Variants in KCNH5 observed in about 807,000 individuals in gnomAD.
KCNH5 encodes the protein potassium voltage-gated channel subfamily H member 5, also known as voltage-gated delayed rectifier potassium channel KCNH5.
Under a neutral mutation model 96.1 loss-of-function variants are expected in KCNH5, and 46 were observed. The ratio of observed to expected loss-of-function variants is 0.48; its 90% CI spans 0.38 to 0.61. KCNH5 has a LOEUF of 0.61. Among genes scored for constraint, KCNH5 ranks in the 20% least tolerant of loss-of-function variants. The pLI, the probability that KCNH5 is intolerant of heterozygous loss-of-function variation, is 0.00. For missense variants in KCNH5, 907 were observed against 1,225.8 expected (o/e 0.74, Z 3.88); for synonymous variants, 439 against 449.8 (o/e 0.98, Z 0.30).
chr14:62,986,863 C>T (rs1890718227), intron 5 of KCNH5, among the ~76,000 whole-genome samples: 1 of 152,132 alleles, frequency 6.6e-6, no homozygotes, highest in African/African-American at 2.4e-5. Context: ...ACAGACATGA[C>T]CTGGGATGTC....
chr14:63,009,964 AAT>A (rs1172341301), intron 2 of KCNH5, among the ~76,000 whole-genome samples: 1 of 152,186 alleles, frequency 6.6e-6, no homozygotes, highest in Non-Finnish European at 1.5e-5. Flanking sequence ...TCTTCTACCA[AAT>A]ATCCTCAAGG....
intron 1 of KCNH5, among the ~76,000 whole-genome samples, chr14:63,042,016 G>A (rs1014668160): frequency 6.6e-6 from 1 of 152,012 alleles, no homozygotes; most frequent in South Asian, 2.1e-4. Flanking sequence ...AAATGTTCTG[G>A]TAAATTTGTA....
At chr14:62,967,888 G>A (rs1320671072) in intron 6 of KCNH5, among the ~76,000 whole-genome samples, 1 of 152,012 alleles carries the variant, frequency 6.6e-6, no homozygotes, top group Admixed American at 6.6e-5. Context: ...CTTAACAATA[G>A]GAACAATTTA....
In KCNH5 at chr14:62,731,550, C is replaced by T. The variant is rs1885051311; in HGVS notation, c.2020-23095G>A. Among the ~76,000 whole-genome samples the T allele has an allele frequency of 2.0e-5, 3 of 151,996 alleles. No homozygotes were observed. In the South Asian group the frequency reaches 6.2e-4, roughly 31 times the overall value. ...TACAATTTTCTACTAAAATTTGAAC[C>T]TCACCTGAATTCATCTGCCTTTTGC... On this transcript the variant is annotated intron_variant, in intron 10 of 10. Transcript: ENST00000322893.
chr14:62,992,100 T>C (rs896945756), intron 4 of KCNH5, among the ~76,000 whole-genome samples: 1 of 152,042 alleles, frequency 6.6e-6, no homozygotes, highest in Non-Finnish European at 1.5e-5. Flanking sequence ...TGTGTCTGGG[T>C]TGGTTCACTT....
At position 62,943,577 on chromosome 14, in the gene KCNH5, T is replaced by TAC. The variant is rs1455310224; in HGVS notation, c.1369+6554_1369+6555dup. 2.0e-5 allele frequency among the ~76,000 whole-genome samples: 3 copies of TAC among 152,258 alleles called. No homozygotes were observed. In the East Asian group the frequency reaches 5.8e-4, roughly 29 times the overall value. On this transcript the variant is annotated intron_variant, in intron 7 of 10. Coordinates refer to ENST00000322893, the MANE Select transcript of KCNH5 (RefSeq NM_139318.5). ...ACTTACATCTTGATCTAAATACACA[T>TAC]ACACACACACATACGTATGTACATA... is the stretch of plus-strand genomic sequence containing the variant.
At chr14:62,783,071 C>T (rs188650523) in intron 9 of KCNH5, among the ~76,000 whole-genome samples, 2 of 152,138 alleles carry the variant, frequency 1.3e-5, no homozygotes, top group East Asian at 3.9e-4. Context: ...TATGCAGCCA[C>T]AAGGTATCAT....
At chr14:62,885,506 C>A (rs1331584299) in intron 7 of KCNH5, among the ~76,000 whole-genome samples, 2 of 152,134 alleles carry the variant, frequency 1.3e-5, no homozygotes, top group African/African-American at 4.8e-5. Context: ...TCCTACATAC[C>A]ATACTTGATG....
intron 8 of KCNH5, among the ~76,000 whole-genome samples, chr14:62,816,671 T>C (rs1027753972): frequency 6.6e-6 from 1 of 152,040 alleles, no homozygotes; most frequent in Non-Finnish European, 1.5e-5. Context: ...GAATTTTCCA[T>C]GGCAGTAATG....
chr14:62,981,065 A>T lies in KCNH5; in HGVS notation c.749T>A (p.Leu250Gln). The T allele has an allele frequency of 6.2e-7, 1 of 1,614,232 alleles. No individual in the cohort carries two copies. The highest frequency in any genetic ancestry group is 8.5e-7 in the Non-Finnish European group (1 of 1,180,036). ...TKQNNIAWLV[L>Q]DSVVDVIFLV... ...AAAAATAACGTCCACCACACTATCC[A>T]GTACCAGCCAGGCTATGTTGTTCTG... Residue 250 changes from leucine to glutamine, a missense_variant, in exon 6 of 11, where the codon CTG becomes CAG. This residue lies in a region of KCNH5 where 370 missense variants were observed against 561.3 expected (regional missense o/e 0.66). Transcript: ENST00000322893.
chr14:63,031,361 A>T, intron 1 of KCNH5, among the ~76,000 whole-genome samples: 1 of 152,156 alleles, frequency 6.6e-6, no homozygotes, highest in East Asian at 1.9e-4. Flanking sequence ...AAATCATGGG[A>T]TCAATAATCC....
At chr14:62,922,863 C>G (rs1889405554) in intron 7 of KCNH5, among the ~76,000 whole-genome samples, 1 of 151,846 alleles carries the variant, frequency 6.6e-6, no homozygotes. Flanking sequence ...AAGCTTAAAG[C>G]CTTTTCCGTA....
chr14:62,839,780 C>A (rs942836972), intron 8 of KCNH5, among the ~76,000 whole-genome samples: 1 of 151,978 alleles, frequency 6.6e-6, no homozygotes, highest in African/African-American at 2.4e-5. Flanking sequence ...TGTTTTCCAC[C>A]TTCAGACCAG....
intron 9 of KCNH5, among the ~76,000 whole-genome samples, chr14:62,781,422 C>T (rs148893892): frequency 0.026 from 3,883 of 152,240 alleles, 161 homozygotes; most frequent in African/African-American, 0.09. Context: ...TGAGATCAAC[C>T]GGTCTGACCA....
chr14:62,955,407 T>C (rs1276688741), intron 6 of KCNH5, among the ~76,000 whole-genome samples: 1 of 152,214 alleles, frequency 6.6e-6, no homozygotes, highest in Non-Finnish European at 1.5e-5. Flanking sequence ...CCAGGTACTA[T>C]TCTAAGTGTT....
chr14:62,917,216 T>C (rs12587258), intron 7 of KCNH5, among the ~76,000 whole-genome samples: 19,077 of 152,184 alleles, frequency 0.13, 1,379 homozygotes, highest in East Asian at 0.28. Flanking sequence ...CTTCTTTTGT[T>C]CTGTGTTGAA....
intron 1 of KCNH5, among the ~76,000 whole-genome samples, chr14:63,017,805 G>T (rs1210327911): frequency 6.6e-6 from 1 of 151,424 alleles, no homozygotes; most frequent in Non-Finnish European, 1.5e-5. Flanking sequence ...TTTCACCTAA[G>T]AAAATTTCCT....
intron 9 of KCNH5, among the ~76,000 whole-genome samples, chr14:62,783,349 C>T (rs761848621): frequency 2.0e-5 from 3 of 152,070 alleles, no homozygotes; most frequent in Non-Finnish European, 2.9e-5. Flanking sequence ...GTTATATTAC[C>T]ACAGTTCTTG....
chr14:62,878,023 T>C (rs1265838746), intron 7 of KCNH5, among the ~76,000 whole-genome samples: 29 of 151,484 alleles, frequency 1.9e-4, no homozygotes, highest in African/African-American at 5.8e-4. Context: ...CCATAAAAAA[T>C]GATGAGTTCA....
Sources: gnomAD v4.1 joint callset for allele counts (sites outside exome capture counted in the v4.1 genomes callset) on GRCh38, gnomAD v4.1.1 for gene constraint, gnomAD v4.1.1 regional missense constraint, MANE v1.5 for transcripts, NCBI Gene and HGNC (gene_info 2026-07-23, HGNC 2026-07-21) for gene names.